The following ST18 variants were observed in gnomAD, a reference collection of about 807,000 sequenced individuals.
ST18 encodes suppression of tumorigenicity 18 protein.
Under a neutral mutation model 110.0 loss-of-function variants are expected in ST18, and 50 were observed. The observed-to-expected ratio is 0.45, with a 90% CI of 0.36 to 0.58. The LOEUF is 0.58. ST18 is among the 20% of genes least tolerant of loss of function. The probability of loss-of-function intolerance (pLI) is 0.00; values close to 1 mark genes in which losing one functional copy is unlikely to be tolerated. For synonymous variants in ST18, 461 were observed against 452.4 expected (o/e 1.02, Z -0.24); for missense variants, 1,306 against 1,280.1 (o/e 1.02, Z -0.31).
At chr8:52,274,287 A>C (rs933465591) in intron 2 of ST18, among the ~76,000 whole-genome samples, 2 of 152,210 alleles carry the variant, frequency 1.3e-5, no homozygotes, top group African/African-American at 4.8e-5. Context: ...AAGAAAATAC[A>C]TCAAAAAAGG....
intron 6 of ST18, 86 bp from the exon 7 acceptor site, chr8:52,214,343 T>C (rs2083343104): frequency 6.9e-7 from 1 of 1,453,350 alleles, no homozygotes; most frequent in South Asian, 1.2e-5. Context: ...CTGAAGGTCA[T>C]TATGAAAAAC....
rs2094808431 is a variant in ST18, at chr8:52,264,612, T to C, written c.-464-34535A>G. Among the ~76,000 whole-genome samples, 3 of 152,218 alleles carry C rather than the reference T, an allele frequency of 2.0e-5. No homozygotes were observed. In the South Asian group the frequency reaches 6.2e-4, roughly 32 times the overall value. ...CCATGAAACCTGACTTTTGTCCTCA[T>C]GGTTTGAATGATTAGAATTCTGTCC... On this transcript the variant is annotated intron_variant, in intron 2 of 25. Coordinates refer to ENST00000689386, the MANE Select transcript of ST18 (RefSeq NM_001352837.2).
At chr8:52,357,269 CA>C (rs1823173503) in intron 2 of ST18, among the ~76,000 whole-genome samples, 1 of 151,798 alleles carries the variant, frequency 6.6e-6, no homozygotes, top group Non-Finnish European at 1.5e-5. Context: ...AATTGAGAAA[CA>C]AAAGTTCTAA....
intron 8 of ST18, among the ~76,000 whole-genome samples, chr8:52,203,642 T>C (rs1044667745): frequency 3.9e-5 from 6 of 152,170 alleles, no homozygotes; most frequent in African/African-American, 1.4e-4. Context: ...TAGGTATAGT[T>C]TACTTAAAAG....
chr8:52,164,197 T>C, intron 12 of ST18, 107 bp from the exon 13 acceptor site: 2 of 933,474 alleles, frequency 2.1e-6, no homozygotes, highest in Non-Finnish European at 3.4e-6. Context: ...TTAAGTCATA[T>C]TAATAGTTCA....
chr8:52,145,303 T>A (rs1178992425), intron 16 of ST18, among the ~76,000 whole-genome samples: 1 of 152,188 alleles, frequency 6.6e-6, no homozygotes, highest in Non-Finnish European at 1.5e-5. Context: ...GCTTGCAGGA[T>A]ATATGTTATT....
At chr8:52,115,392 G>A (rs1385321745) in intron 25 of ST18, among the ~76,000 whole-genome samples, 1 of 152,150 alleles carries the variant, frequency 6.6e-6, no homozygotes, top group Non-Finnish European at 1.5e-5. Flanking sequence ...TCCAAATACA[G>A]TCATGCAATG....
rs114396818 is a variant in ST18, at chr8:52,189,679, A to C, written c.87-9367T>G. 7.1e-3 allele frequency among the ~76,000 whole-genome samples: 1,075 copies of C among 152,288 alleles called. 10 individuals are homozygous for C. The highest frequency in any genetic ancestry group is 0.025 in the African/African-American group (1,027 of 41,550). On this transcript the variant is annotated intron_variant, in intron 8 of 25. Coordinates refer to ENST00000689386, the MANE Select transcript of ST18 (RefSeq NM_001352837.2). The stretch of plus-strand genomic sequence containing the variant: ...TGGAGAACAATTACCCTGGGGAAAA[A>C]AGACTGCACAAGCATTCACGGACTA...
At chr8:52,204,393 T>C (rs1325591266) in intron 8 of ST18, among the ~76,000 whole-genome samples, 1 of 152,168 alleles carries the variant, frequency 6.6e-6, no homozygotes, top group Non-Finnish European at 1.5e-5. Context: ...CGCCCGTTAA[T>C]TTCTTATAAA....
At chr8:52,270,173 T>G (rs1247498847) in intron 2 of ST18, among the ~76,000 whole-genome samples, 1 of 152,228 alleles carries the variant, frequency 6.6e-6, no homozygotes, top group Non-Finnish European at 1.5e-5. Context: ...TCTTTTATAT[T>G]GTTGTGAATA....
At chr8:52,343,151 G>T (rs1564535823) in intron 2 of ST18, among the ~76,000 whole-genome samples, 1 of 152,160 alleles carries the variant, frequency 6.6e-6, no homozygotes, top group Non-Finnish European at 1.5e-5. Context: ...CTCAGAAAGA[G>T]CTTTCAAGGA....
intron 2 of ST18, among the ~76,000 whole-genome samples, chr8:52,337,485 A>G (rs1031792321): frequency 2.2e-4 from 33 of 152,242 alleles, no homozygotes; most frequent in African/African-American, 7.7e-4. Context: ...GGTTTAAAAG[A>G]AAACTATTCC....
chr8:52,273,563 T>C (rs2095144701), intron 2 of ST18, among the ~76,000 whole-genome samples: 1 of 152,188 alleles, frequency 6.6e-6, no homozygotes, highest in African/African-American at 2.4e-5. Context: ...TGCACTCAGT[T>C]TTTCCAGCTT....
At chr8:52,166,211 A>T (rs944027400) in intron 11 of ST18, among the ~76,000 whole-genome samples, 3 of 152,200 alleles carry the variant, frequency 2.0e-5, no homozygotes, top group Non-Finnish European at 4.4e-5. Flanking sequence ...TATTCTGGTG[A>T]TTTAACATCT....
chr8:52,156,735 G>T (rs2060106391), intron 15 of ST18, among the ~76,000 whole-genome samples: 1 of 152,214 alleles, frequency 6.6e-6, no homozygotes, highest in Non-Finnish European at 1.5e-5. Context: ...GTGCAAATGT[G>T]TGCACGTGCG....
At chr8:52,382,695 T>A (rs985688558) in intron 2 of ST18, among the ~76,000 whole-genome samples, 3 of 151,214 alleles carry the variant, frequency 2.0e-5, no homozygotes, top group Non-Finnish European at 4.4e-5. Context: ...GTACAGTCAC[T>A]GTGAATCAAT....
At chr8:52,228,027 A>G (rs539703755) in intron 3 of ST18, among the ~76,000 whole-genome samples, 2 of 152,366 alleles carry the variant, frequency 1.3e-5, no homozygotes, top group East Asian at 3.8e-4. Context: ...TTGGATTTCA[A>G]TACAAAACAA....
At chr8:52,129,891 A>G (rs945096070) in intron 22 of ST18, among the ~76,000 whole-genome samples, 1 of 151,904 alleles carries the variant, frequency 6.6e-6, no homozygotes, top group Admixed American at 6.6e-5. Context: ...CTAAAAATAC[A>G]AAAATTAGCC....
At chr8:52,386,396 T>C (rs2140914680) in intron 2 of ST18, among the ~76,000 whole-genome samples, 1 of 152,212 alleles carries the variant, frequency 6.6e-6, no homozygotes, top group Admixed American at 6.5e-5. Flanking sequence ...TGTTTTTATT[T>C]CTATGTTTTT....
Sources: gnomAD v4.1 joint callset for allele counts (sites outside exome capture counted in the v4.1 genomes callset) on GRCh38, gnomAD v4.1.1 for gene constraint, MANE v1.5 for transcripts, NCBI Gene and HGNC (gene_info 2026-07-23, HGNC 2026-07-21) for gene names.